CUX2: variants seen among roughly 807,000 people sequenced by gnomAD.
CUX2 encodes cut like homeobox 2, also known as homeobox protein cut-like 2.
A neutral mutation model predicts 144.8 loss-of-function variants in CUX2; 40 were observed. The ratio of observed to expected loss-of-function variants is 0.28; its 90% CI spans 0.21 to 0.36. The LOEUF (loss-of-function observed/expected upper bound fraction) is 0.36, where lower values mean the gene tolerates loss of function less well. Among genes scored for constraint, CUX2 ranks in the 10% least tolerant of loss-of-function variants. The pLI is 1.00. For missense variants in CUX2, 1,615 were observed against 1,994.0 expected, an observed-to-expected ratio of 0.81 and a Z score of 3.62; for synonymous variants, 827 against 875.6, an observed-to-expected ratio of 0.94 and a Z score of 0.98.
Position 111,129,624 on chromosome 12 carries a change from T to G in CUX2, c.64-84576T>G, listed in dbSNP as rs143587298. Among the ~76,000 whole-genome samples, 458 of 152,352 alleles carry G rather than the reference T, an allele frequency of 3.0e-3. 2 individuals carry two copies. Among genetic ancestry groups the G allele is most frequent in the African/African-American group, 0.01 (436 of 41,580 alleles). ...CTTCTACATAGGCCAGATCGGCAAGTTGAGTGGGGATGTGGTGGCAGTCAC... is the reference window on the plus strand; with the variant it reads ...CTTCTACATAGGCCAGATCGGCAAGGTGAGTGGGGATGTGGTGGCAGTCAC... On this transcript the variant is annotated intron_variant, in intron 1 of 21. Coordinates refer to ENST00000261726, the MANE Select transcript of CUX2 (RefSeq NM_015267.4).
chr12:111,246,740 TTGTA>T lies in CUX2; in HGVS notation c.223-17018_223-17015del, dbSNP rs1481386719. ...CGAGGTCCTTTCTCACCTCTCACCTTTGTATGCAACTGCTCTCCCTCCTGTTGAA... is the reference window on the plus strand; with the variant it reads ...CGAGGTCCTTTCTCACCTCTCACCTTTGCAACTGCTCTCCCTCCTGTTGAA... On this transcript the variant is annotated intron_variant, in intron 3 of 21. Transcript: ENST00000261726. This position sits in a 1 kb window ranked among gnomAD's most constrained non-coding sequence, Gnocchi z 4.0. Among the ~76,000 whole-genome samples the T allele has an allele frequency of 1.3e-5, 2 of 152,098 alleles. No individual in the cohort carries two copies. Among genetic ancestry groups the T allele is most frequent in the Non-Finnish European group, 2.9e-5 (2 of 68,012 alleles).
At chr12:111,215,170 G>A (rs1389154510) in intron 2 of CUX2, among the ~76,000 whole-genome samples, 3 of 152,152 alleles carry the variant, frequency 2.0e-5, no homozygotes, top group Non-Finnish European at 4.4e-5. Flanking sequence ...ACCTGCTCAG[G>A]TGTGCTGGAG....
At chr12:111,302,571 G>T (rs1245218797) in intron 9 of CUX2, among the ~76,000 whole-genome samples, 2 of 152,196 alleles carry the variant, frequency 1.3e-5, no homozygotes, top group Non-Finnish European at 1.5e-5. Flanking sequence ...ATTAACATTT[G>T]AATGCTTCCT....
intron 18 of CUX2, among the ~76,000 whole-genome samples, chr12:111,323,951 C>T (rs1357216978): frequency 2.0e-5 from 3 of 152,074 alleles, no homozygotes; most frequent in Non-Finnish European, 2.9e-5. Context: ...GCAGGAGGAT[C>T]GCTTAAGCCC....
intron 1 of CUX2, among the ~76,000 whole-genome samples, chr12:111,083,198 G>A (rs1872001444): frequency 6.6e-6 from 1 of 152,144 alleles, no homozygotes; most frequent in Non-Finnish European, 1.5e-5. Flanking sequence ...CACCTTAGGA[G>A]AGAGATGAGC....
At chr12:111,123,451 T>C (rs368251543) in intron 1 of CUX2, among the ~76,000 whole-genome samples, 24 of 152,172 alleles carry the variant, frequency 1.6e-4, no homozygotes, top group Admixed American at 1.1e-3. Context: ...CCCAAAGTGC[T>C]GGGATTAGAG....
chr12:111,146,621 C>A (rs1196543475), intron 1 of CUX2, among the ~76,000 whole-genome samples: 1 of 40,010 alleles, frequency 2.5e-5, no homozygotes, highest in African/African-American at 1.1e-4. Flanking sequence ...GCAAGCAAAG[C>A]GAGAGAGGGT....
intron 18 of CUX2, among the ~76,000 whole-genome samples, chr12:111,325,310 A>C (rs1332845023): frequency 6.6e-6 from 1 of 151,638 alleles, no homozygotes; most frequent in African/African-American, 2.4e-5. Flanking sequence ...AAAAAAAAAA[A>C]GCAGCCATGC....
chr12:111,105,144 G>A (rs12297156), intron 1 of CUX2, among the ~76,000 whole-genome samples: 5,457 of 152,262 alleles, frequency 0.036, 172 homozygotes, highest in South Asian at 0.18. Context: ...CCCTGCGCTG[G>A]GGTGAGCCCC....
Position 111,347,690 on chromosome 12 carries a change from G to T in CUX2, c.3826G>T (p.Glu1276Ter). The T allele has an allele frequency of 6.2e-7, 1 of 1,613,948 alleles. No individual in the cohort carries two copies. The highest frequency in any genetic ancestry group is 2.2e-5 in the East Asian group (1 of 44,858). Residue 1276 changes from glutamate to a stop codon, truncating the protein, a stop_gained, in exon 22 of 22, where the codon GAG becomes TAG. Transcript: ENST00000261726. LOFTEE classifies it low-confidence loss of function (END_TRUNC). The part of the protein sequence containing the change: ...EDQKPTVKEL[E>*]LQEGPEENST... ...CCAGAAGCCAACCGTGAAGGAACTG[G>T]AGCTTCAGGAGGGCCCTGAGGAGAA... is the stretch of plus-strand genomic sequence containing the variant.
At chr12:111,201,090 G>A (rs148706951) in intron 1 of CUX2, among the ~76,000 whole-genome samples, 2,982 of 151,654 alleles carry the variant, frequency 0.02, 34 homozygotes, top group Middle Eastern at 0.061. Flanking sequence ...GCCGCCCCTC[G>A]TTTGAGGGCC....
intron 1 of CUX2, among the ~76,000 whole-genome samples, chr12:111,058,589 C>G (rs1870632409): frequency 1.3e-5 from 2 of 151,292 alleles, no homozygotes; most frequent in African/African-American, 4.9e-5. Flanking sequence ...GAGAGAGAGA[C>G]AGAGAGGGAG....
intron 4 of CUX2, among the ~76,000 whole-genome samples, chr12:111,281,375 C>T (rs1885107264): frequency 6.6e-6 from 1 of 152,140 alleles, no homozygotes; most frequent in Non-Finnish European, 1.5e-5. Flanking sequence ...CAGCAGCACC[C>T]CTAGTTCCAT....
chr12:111,283,288 C>T (rs902077706), intron 4 of CUX2, among the ~76,000 whole-genome samples: 2 of 152,048 alleles, frequency 1.3e-5, no homozygotes, highest in Admixed American at 1.3e-4. Flanking sequence ...TGTGGGTCTG[C>T]AGCAGACAGG....
chr12:111,058,589 CAG>C lies in CUX2; in HGVS notation c.63+24354_63+24355del, dbSNP rs561854349. The stretch of plus-strand genomic sequence containing the variant: ...AGAGACAGACAGACAGAGAGAGAGA[CAG>C]AGAGGGAGCAATTCTCTCATCTCAG... On this transcript the variant is annotated intron_variant, in intron 1 of 21. Coordinates refer to ENST00000261726, the MANE Select transcript of CUX2 (RefSeq NM_015267.4). Among the ~76,000 whole-genome samples, 32 of 151,410 alleles carry C rather than the reference CAG, an allele frequency of 2.1e-4. No homozygotes were observed. The South Asian group carries it at 5.9e-3, about 28-fold the overall frequency.
intron 1 of CUX2, among the ~76,000 whole-genome samples, chr12:111,099,041 T>C (rs1873020526): frequency 6.6e-6 from 1 of 152,190 alleles, no homozygotes; most frequent in Non-Finnish European, 1.5e-5. Flanking sequence ...CAATATAGCC[T>C]GGAAGGCCAA....
Position 111,150,755 on chromosome 12 carries a change from G to T in CUX2, c.64-63445G>T, listed in dbSNP as rs114626438. On this transcript the variant is annotated intron_variant, in intron 1 of 21. Transcript: ENST00000261726. ...GCCCAAGAGCTGGGAAAAGCCTCGG[G>T]GGGTGGGAGGGGTGGGGTGTGTGGA... is the stretch of plus-strand genomic sequence containing the variant. Among the ~76,000 whole-genome samples, 600 of 152,060 alleles carry T rather than the reference G, an allele frequency of 3.9e-3. 3 individuals carry two copies. Among genetic ancestry groups the T allele is most frequent in the African/African-American group, 0.014 (584 of 41,418 alleles).
At chr12:111,133,524 A>C (rs1316086342) in intron 1 of CUX2, among the ~76,000 whole-genome samples, 1 of 152,230 alleles carries the variant, frequency 6.6e-6, no homozygotes, top group Non-Finnish European at 1.5e-5. Context: ...TCATGAGAAC[A>C]GCACAGGAAA....
intron 1 of CUX2, among the ~76,000 whole-genome samples, chr12:111,086,777 T>G (rs183758837): frequency 6.6e-6 from 1 of 152,242 alleles, no homozygotes; most frequent in African/African-American, 2.4e-5. Context: ...TTAAAAGTGA[T>G]GAGGCACAGC....
Sources: allele counts gnomAD v4.1 joint callset (sites outside exome capture counted in the v4.1 genomes callset), GRCh38; gene constraint gnomAD v4.1.1; non-coding constraint Gnocchi (gnomAD v3.1); transcripts MANE v1.5; gene names NCBI Gene and HGNC (gene_info 2026-07-23, HGNC 2026-07-21).